ATP1B3: variants seen among roughly 807,000 people sequenced by gnomAD.
ATP1B3 encodes the protein sodium/potassium-transporting ATPase subunit beta-3.
ATP1B3 carries 10 observed loss-of-function variants against 30.2 expected under a neutral mutation model. That is an observed-to-expected ratio of 0.33 (90% CI 0.20 to 0.56). The LOEUF (loss-of-function observed/expected upper bound fraction) is 0.56. ATP1B3 is among the 20% of genes least tolerant of loss of function. ATP1B3 has a pLI of 0.90. For missense variants in ATP1B3, 238 were observed against 336.7 expected (o/e 0.71, Z 2.29); for synonymous variants, 113 against 117.0 (o/e 0.97, Z 0.22).
intron 1 of ATP1B3, among the ~76,000 whole-genome samples, chr3:141,886,980 T>G (rs4683640): frequency 0.11 from 16,387 of 152,220 alleles, 1,082 homozygotes; most frequent in Middle Eastern, 0.16. Context: ...TCCAGCCTGG[T>G]TGACCGAGTG....
intron 6 of ATP1B3, among the ~76,000 whole-genome samples, chr3:141,922,987 G>C (rs544677684): frequency 1.3e-5 from 2 of 149,548 alleles, no homozygotes; most frequent in African/African-American, 4.9e-5. Context: ...AAAATCAAAA[G>C]CTCATTGCGG....
At chr3:141,906,210 C>A (rs188488698) in intron 2 of ATP1B3, among the ~76,000 whole-genome samples, 1 of 150,354 alleles carries the variant, frequency 6.7e-6, no homozygotes, top group Non-Finnish European at 1.5e-5. Context: ...GACGAAGTCT[C>A]GCTCTGTCGC....
intron 1 of ATP1B3, among the ~76,000 whole-genome samples, chr3:141,898,567 C>T (rs1934110260): frequency 6.6e-6 from 1 of 152,052 alleles, no homozygotes. Flanking sequence ...ACATTGTATC[C>T]ACTAGGATAG....
chr3:141,896,424 G>A (rs979146633), intron 1 of ATP1B3, among the ~76,000 whole-genome samples: 4 of 152,128 alleles, frequency 2.6e-5, no homozygotes, highest in African/African-American at 9.7e-5. Flanking sequence ...GGGAGGCTGG[G>A]GCAGGAGGAT....
chr3:141,924,158 A>G (rs577512677), intron 6 of ATP1B3, among the ~76,000 whole-genome samples: 30 of 151,994 alleles, frequency 2.0e-4, no homozygotes, highest in African/African-American at 7.0e-4. Context: ...AGCCTGACCA[A>G]CATGGTGAAA....
At chr3:141,880,473 C>T (rs930986907) in intron 1 of ATP1B3, among the ~76,000 whole-genome samples, 4 of 151,980 alleles carry the variant, frequency 2.6e-5, no homozygotes, top group African/African-American at 9.7e-5. Context: ...AAATTGAGCA[C>T]CTAGTGGCTG....
At chr3:141,902,884 C>T (rs1934189656) in intron 1 of ATP1B3, 1 of 152,156 alleles carries the variant, frequency 6.6e-6, no homozygotes, top group African/African-American at 2.4e-5. Context: ...GATATTCTTT[C>T]AATGAACTCA....
At chr3:141,899,564 G>A (rs752555583) in intron 1 of ATP1B3, among the ~76,000 whole-genome samples, 11 of 152,218 alleles carry the variant, frequency 7.2e-5, no homozygotes, top group Non-Finnish European at 1.2e-4. Context: ...ATGTGTGCTG[G>A]TGTTGCATAA....
rs551696237 is a variant in ATP1B3 at position 141,884,981 on chromosome 3, G to A, written c.109+8071G>A. Among the ~76,000 whole-genome samples, 13 of 152,154 alleles carry A rather than the reference G, an allele frequency of 8.5e-5. No homozygotes were observed. The South Asian group carries it at 1.0e-3, about 12-fold the overall frequency. ...CCCTGTTTATTGTCAGTTGCTTTCT[G>A]CATATCCCACAAATCTAAGAGTGTG... On this transcript the variant is annotated intron_variant, in intron 1 of 6. Coordinates refer to ENST00000286371, the MANE Select transcript of ATP1B3 (RefSeq NM_001679.4).
chr3:141,904,361 C>T (rs545819358), intron 2 of ATP1B3, among the ~76,000 whole-genome samples: 4 of 151,352 alleles, frequency 2.6e-5, no homozygotes, highest in Admixed American at 6.6e-5. Flanking sequence ...GTAAAAGCCA[C>T]GTTTGAAGAA....
At chr3:141,902,285 C>A in intron 1 of ATP1B3, 1 of 1,178,748 alleles carries the variant, frequency 8.5e-7, no homozygotes, top group Non-Finnish European at 1.1e-6. Flanking sequence ...ATTGCTTTAA[C>A]TATTTCCCCT....
At chr3:141,891,070 A>T (rs1310882435) in intron 1 of ATP1B3, among the ~76,000 whole-genome samples, 1 of 152,100 alleles carries the variant, frequency 6.6e-6, no homozygotes, top group Non-Finnish European at 1.5e-5. Context: ...TTCTTTTCTT[A>T]ATCACTTATC....
chr3:141,915,908 G>T, intron 4 of ATP1B3, 62 bp from the exon 5 acceptor site: 1 of 1,335,198 alleles, frequency 7.5e-7, no homozygotes, highest in South Asian at 1.3e-5. Context: ...CAGCAACAGA[G>T]GGAGGAAGTT....
chr3:141,924,987 G>C (rs920786586), intron 6 of ATP1B3, among the ~76,000 whole-genome samples: 1 of 151,812 alleles, frequency 6.6e-6, no homozygotes, highest in South Asian at 2.1e-4. Flanking sequence ...ATAATAGGCC[G>C]GGTGTGGTGG....
chr3:141,916,351 A>G (rs1176399322), intron 5 of ATP1B3: 1 of 472,148 alleles, frequency 2.1e-6, no homozygotes, highest in East Asian at 6.6e-5. Flanking sequence ...ATACTGTATC[A>G]TGACATTTTT....
intron 3 of ATP1B3, among the ~76,000 whole-genome samples, chr3:141,908,934 TC>T (rs1226178213): frequency 6.6e-6 from 1 of 152,214 alleles, no homozygotes; most frequent in Non-Finnish European, 1.5e-5. Flanking sequence ...GGGCTGCCCT[TC>T]CTTTCACCTG....
chr3:141,890,285 CTTTTTTTTTTTT>C (rs775182342), intron 1 of ATP1B3, among the ~76,000 whole-genome samples: 5 of 28,568 alleles, frequency 1.8e-4, no homozygotes, highest in Admixed American at 6.8e-4. Flanking sequence ...TTTTGTGGGG[CTTTTTTTTTTTT>C]TTTTTTTTTT....
chr3:141,887,556 G>C (rs536409731), intron 1 of ATP1B3, among the ~76,000 whole-genome samples: 4 of 152,322 alleles, frequency 2.6e-5, no homozygotes, highest in Admixed American at 6.5e-5. Context: ...TCTACTCTTA[G>C]GTGTGTTTAT....
intron 6 of ATP1B3, 107 bp from the exon 7 acceptor site, chr3:141,925,423 TG>T: frequency 8.3e-7 from 1 of 1,201,798 alleles, no homozygotes; most frequent in Non-Finnish European, 1.2e-6. Flanking sequence ...CACTGCAGCC[TG>T]GGCAACAGTC....
Sources: gnomAD v4.1 joint callset for allele counts (sites outside exome capture counted in the v4.1 genomes callset) on GRCh38, gnomAD v4.1.1 for gene constraint, MANE v1.5 for transcripts, NCBI Gene and HGNC (gene_info 2026-07-23, HGNC 2026-07-21) for gene names.